CNTN3: variants seen among roughly 807,000 people sequenced by gnomAD.
CNTN3 encodes the protein contactin-3.
In CNTN3, 60 loss-of-function variants were observed where a neutral mutation model predicts 119.1. The ratio of observed to expected loss-of-function variants is 0.50; its 90% CI spans 0.41 to 0.62. The LOEUF (loss-of-function observed/expected upper bound fraction) is 0.62, where lower values mean the gene tolerates loss of function less well. Ranked by LOEUF, CNTN3 falls within the 20% of genes least tolerant of loss-of-function variation. The probability of loss-of-function intolerance (pLI) is 0.00; values close to 1 mark genes in which losing one functional copy is unlikely to be tolerated. For missense variants in CNTN3, 1,101 were observed against 1,242.4 expected, an observed-to-expected ratio of 0.89 and a Z score of 1.71; for synonymous variants, 450 against 438.7, an observed-to-expected ratio of 1.03 and a Z score of -0.32.
At chr3:74,397,399 C>T (rs1447768249) in intron 5 of CNTN3, among the ~76,000 whole-genome samples, 1 of 151,986 alleles carries the variant, frequency 6.6e-6, no homozygotes, top group East Asian at 1.9e-4. Context: ...TATTCTGCAG[C>T]CCGTGTTACT....
intron 4 of CNTN3, among the ~76,000 whole-genome samples, chr3:74,481,915 T>C (rs972486264): frequency 6.6e-6 from 1 of 151,670 alleles, no homozygotes; most frequent in African/African-American, 2.4e-5. Context: ...TTTTGAAACA[T>C]TTTTTACTAG....
At chr3:74,607,481 G>C (rs1056438856) in intron 1 of CNTN3, among the ~76,000 whole-genome samples, 6 of 152,180 alleles carry the variant, frequency 3.9e-5, no homozygotes, top group African/African-American at 4.8e-5. Flanking sequence ...CATTCAGTTG[G>C]GGCCCTGCCC....
intron 13 of CNTN3, among the ~76,000 whole-genome samples, chr3:74,319,984 G>T (rs1049894841): frequency 9.2e-5 from 14 of 152,196 alleles, no homozygotes; most frequent in African/African-American, 3.4e-4. Context: ...TCTCACACCA[G>T]TTAGAATGGC....
chr3:74,522,892 G>A (rs1320227531), intron 1 of CNTN3, among the ~76,000 whole-genome samples: 1 of 151,774 alleles, frequency 6.6e-6, no homozygotes, highest in Non-Finnish European at 1.5e-5. Context: ...GCTACACTGT[G>A]CATAGAAAAC....
chr3:74,403,945 G>A (rs374458634), intron 5 of CNTN3, among the ~76,000 whole-genome samples: 40 of 149,338 alleles, frequency 2.7e-4, no homozygotes, highest in Middle Eastern at 3.4e-3. Context: ...TTTTCTACTC[G>A]CCCCCCTCCT....
At chr3:74,370,037 G>T in intron 6 of CNTN3, 46 bp from the exon 7 acceptor site, 1 of 1,044,882 alleles carries the variant, frequency 9.6e-7, no homozygotes, top group Non-Finnish European at 1.4e-6. Flanking sequence ...ATTTCCTTTA[G>T]AATTGCCTCG....
chr3:74,310,567 C>T (rs1327031601), intron 13 of CNTN3, among the ~76,000 whole-genome samples: 1 of 152,070 alleles, frequency 6.6e-6, no homozygotes, highest in Non-Finnish European at 1.5e-5. Context: ...CTGTCCACAG[C>T]TGCATAGGGT....
chr3:74,535,673 ACTGC>A (rs1267835468), intron 1 of CNTN3, among the ~76,000 whole-genome samples: 3 of 152,112 alleles, frequency 2.0e-5, no homozygotes, highest in Admixed American at 2.0e-4. Context: ...CTGATTGTGA[ACTGC>A]CAGACTGACT....
chr3:74,281,157 G>A (rs1263704293), intron 20 of CNTN3, among the ~76,000 whole-genome samples: 1 of 152,120 alleles, frequency 6.6e-6, no homozygotes, highest in Non-Finnish European at 1.5e-5. Context: ...CCTGGAGTGG[G>A]ATGGGAAGTG....
chr3:74,507,165 T>A (rs546368039), intron 2 of CNTN3, among the ~76,000 whole-genome samples: 18 of 152,256 alleles, frequency 1.2e-4, no homozygotes, highest in African/African-American at 4.3e-4. Flanking sequence ...ACATCTATAA[T>A]CACAGCACTT....
intron 1 of CNTN3, among the ~76,000 whole-genome samples, chr3:74,569,079 T>C (rs1704270839): frequency 6.6e-6 from 1 of 152,168 alleles, no homozygotes; most frequent in Admixed American, 6.5e-5. Flanking sequence ...ACCTTGAACT[T>C]GGCAGATTAA....
At chr3:74,606,465 T>C (rs77798763) in intron 1 of CNTN3, among the ~76,000 whole-genome samples, 1 of 151,914 alleles carries the variant, frequency 6.6e-6, no homozygotes, top group Non-Finnish European at 1.5e-5. Context: ...TGTGTATACA[T>C]GCACACATGT....
intron 11 of CNTN3, among the ~76,000 whole-genome samples, chr3:74,358,440 T>TAAA (rs748434044): frequency 7.4e-6 from 1 of 135,472 alleles, no homozygotes. Flanking sequence ...TTCCCGTCCA[T>TAAA]AAAAAAAAAA....
intron 5 of CNTN3, among the ~76,000 whole-genome samples, chr3:74,404,462 C>A (rs1318320300): frequency 6.6e-6 from 1 of 152,088 alleles, no homozygotes; most frequent in African/African-American, 2.4e-5. Flanking sequence ...ATGCTTATCT[C>A]TCTTTGACTA....
intron 13 of CNTN3, among the ~76,000 whole-genome samples, chr3:74,316,845 G>A (rs1434233222): frequency 4.0e-5 from 6 of 151,504 alleles, no homozygotes; most frequent in African/African-American, 7.3e-5. Flanking sequence ...GGAGAATGGC[G>A]TGAACCTGGG....
intron 2 of CNTN3, among the ~76,000 whole-genome samples, chr3:74,509,028 G>A (rs1481372954): frequency 6.6e-6 from 1 of 152,126 alleles, no homozygotes; most frequent in Non-Finnish European, 1.5e-5. Context: ...GTAGCCTCAG[G>A]GAGAAGAGAA....
intron 1 of CNTN3, among the ~76,000 whole-genome samples, chr3:74,561,515 A>G (rs565996778): frequency 1.3e-5 from 2 of 152,166 alleles, no homozygotes; most frequent in Non-Finnish European, 2.9e-5. Flanking sequence ...GTTGAAGTCT[A>G]TCTACAAAGC....
intron 17 of CNTN3, among the ~76,000 whole-genome samples, chr3:74,298,889 G>GAAAAA (rs78585763): frequency 9.0e-5 from 5 of 55,806 alleles, no homozygotes; most frequent in South Asian, 1.3e-3. Context: ...CTCCATCAAG[G>GAAAAA]AAAAAAAAAA....
chr3:74,386,075 C>T (rs1704738510), intron 5 of CNTN3, among the ~76,000 whole-genome samples: 1 of 152,070 alleles, frequency 6.6e-6, no homozygotes, highest in East Asian at 1.9e-4. Context: ...GAGGAAGCCC[C>T]ACATAATATA....
Sources: allele counts gnomAD v4.1 joint callset (sites outside exome capture counted in the v4.1 genomes callset), GRCh38; gene constraint gnomAD v4.1.1; transcripts MANE v1.5; gene names NCBI Gene and HGNC (gene_info 2026-07-23, HGNC 2026-07-21).